Variants in WDR27 observed in about 807,000 individuals in gnomAD.
The protein encoded by WDR27 is WD repeat-containing protein 27.
In WDR27, 100 loss-of-function variants were observed where a neutral mutation model predicts 114.4. The observed-to-expected ratio is 0.87, with a 90% CI of 0.74 to 1.03. The LOEUF (loss-of-function observed/expected upper bound fraction) is 1.03, where lower values mean the gene tolerates loss of function less well. Among genes scored for constraint, WDR27 ranks in the 50% least tolerant of loss-of-function variants. The probability of loss-of-function intolerance (pLI) is 0.00; values close to 1 mark genes in which losing one functional copy is unlikely to be tolerated. For synonymous variants in WDR27, 449 were observed against 423.1 expected (o/e 1.06, Z -0.75); for missense variants, 1,129 against 1,092.9 (o/e 1.03, Z -0.47).
At chr6:169,577,998 C>T (rs1304728219) in intron 24 of WDR27, among the ~76,000 whole-genome samples, 1 of 152,110 alleles carries the variant, frequency 6.6e-6, no homozygotes, top group Non-Finnish European at 1.5e-5. Flanking sequence ...AAAATTCCAT[C>T]CGTCTCTCTC....
At chr6:169,616,324 C>T (rs1373564531) in intron 21 of WDR27, among the ~76,000 whole-genome samples, 5 of 152,086 alleles carry the variant, frequency 3.3e-5, no homozygotes, top group African/African-American at 9.7e-5. Context: ...CCTGTCTCTA[C>T]TAAAAATACA....
At chr6:169,654,011 G>A (rs1341204999) in intron 13 of WDR27, among the ~76,000 whole-genome samples, 1 of 152,152 alleles carries the variant, frequency 6.6e-6, no homozygotes, top group African/African-American at 2.4e-5. Context: ...AGAAAGCAAC[G>A]CAAATCTCCT....
intron 23 of WDR27, among the ~76,000 whole-genome samples, chr6:169,592,377 G>GA (rs561853124): frequency 6.6e-6 from 1 of 151,924 alleles, no homozygotes; most frequent in Admixed American, 6.5e-5. Flanking sequence ...ACTTCTGGGG[G>GA]AAAAAAATGT....
intron 22 of WDR27, among the ~76,000 whole-genome samples, chr6:169,608,142 A>G (rs1019037535): frequency 6.6e-6 from 1 of 152,238 alleles, no homozygotes; most frequent in Non-Finnish European, 1.5e-5. Flanking sequence ...TGAAATCTCC[A>G]TACTGTTTTC....
At chr6:169,649,067 TC>T in intron 15 of WDR27, 130 bp downstream of exon 15, 1 of 658,486 alleles carries the variant, frequency 1.5e-6, no homozygotes. Flanking sequence ...GATATACATA[TC>T]TGTGTACATA....
chr6:169,665,620 T>G, intron 6 of WDR27, 64 bp from the exon 7 acceptor site: 1 of 1,478,454 alleles, frequency 6.8e-7, no homozygotes, highest in Non-Finnish European at 9.3e-7. Context: ...ACCCGAGAAC[T>G]GTCAGTTTTA....
At chr6:169,575,551 C>A (rs1385829950) in intron 24 of WDR27, among the ~76,000 whole-genome samples, 1 of 152,172 alleles carries the variant, frequency 6.6e-6, no homozygotes, top group Non-Finnish European at 1.5e-5. Flanking sequence ...AGGCAGGCAG[C>A]CTGAGTTTCC....
At position 169,659,214 on chromosome 6, in the gene WDR27, G is replaced by A. The variant is rs1307308586; in HGVS notation, c.1198-7C>T. ...AGGCCAGCAAGCACAGCACCTGCAG[G>A]GACGCGGTTTCAACATCGTTAGCGA... is the stretch of plus-strand genomic sequence containing the variant. On this transcript the variant is annotated splice_region_variant and splice_polypyrimidine_tract_variant and intron_variant, in intron 11 of 25. Transcript: ENST00000448612. The surrounding 1 kb of genome is among the most constrained non-coding windows in gnomAD (Gnocchi z 4.3). The A allele has an allele frequency of 1.3e-6, 2 of 1,587,882 alleles. No homozygotes were observed. The highest frequency in any genetic ancestry group is 1.9e-5 in the Admixed American group (1 of 54,032).
chr6:169,662,450 A>AT (rs1371933367), intron 8 of WDR27, 26 bp from the exon 9 acceptor site: 1 of 1,610,890 alleles, frequency 6.2e-7, no homozygotes, highest in South Asian at 1.1e-5. Context: ...TTGAGAATCT[A>AT]AGAAGTGAAC....
At chr6:169,557,464 G>A (rs926818783) in intron 25 of WDR27, among the ~76,000 whole-genome samples, 3 of 152,186 alleles carry the variant, frequency 2.0e-5, no homozygotes, top group African/African-American at 7.2e-5. Flanking sequence ...GGGGCCTCTG[G>A]CTGTTCATTT....
chr6:169,623,596 A>G (rs924913587), intron 21 of WDR27, among the ~76,000 whole-genome samples: 2 of 152,208 alleles, frequency 1.3e-5, no homozygotes, highest in African/African-American at 4.8e-5. Context: ...AGAGACAGTG[A>G]GGGTCCAGCC....
intron 24 of WDR27, 75 bp downstream of exon 24, chr6:169,582,761 A>C (rs1047920656): frequency 8.5e-6 from 10 of 1,177,534 alleles, no homozygotes; most frequent in African/African-American, 1.5e-5. Flanking sequence ...ACCAAAATAA[A>C]GTCATAAAGA....
At chr6:169,485,474 C>A (rs1263917657) in intron 25 of WDR27, among the ~76,000 whole-genome samples, 1 of 152,148 alleles carries the variant, frequency 6.6e-6, no homozygotes, top group Non-Finnish European at 1.5e-5. Flanking sequence ...CCATCTCAAG[C>A]CAGTCAGAAT....
chr6:169,630,022 A>G (rs1335906849), intron 21 of WDR27, among the ~76,000 whole-genome samples: 1 of 152,136 alleles, frequency 6.6e-6, no homozygotes, highest in Non-Finnish European at 1.5e-5. Flanking sequence ...TTTTAAACTC[A>G]AGAATGACAA....
At chr6:169,664,030 T>G (rs1429531338) in intron 8 of WDR27, 136 bp downstream of exon 8, 8 of 827,264 alleles carry the variant, frequency 9.7e-6, no homozygotes, top group African/African-American at 1.8e-5. Flanking sequence ...CCTCAGTGGT[T>G]TTCTGAGGTT....
At position 169,685,642 on chromosome 6, in the gene WDR27, G is replaced by T. The variant is rs896338570; in HGVS notation, c.189+3175C>A. Among the ~76,000 whole-genome samples the T allele has an allele frequency of 3.3e-5, 5 of 152,114 alleles. No homozygotes were observed. In the South Asian group the frequency reaches 8.3e-4, roughly 25 times the overall value. ...TGAAGAAAGAATTTCTGAACTTGAA[G>T]ACAGGACTTTTGAAATAATACCAGC... On this transcript the variant is annotated intron_variant, in intron 2 of 25. Coordinates refer to ENST00000448612, the MANE Select transcript of WDR27 (RefSeq NM_182552.5).
chr6:169,686,630 ACAG>A (rs1783026528), intron 2 of WDR27, among the ~76,000 whole-genome samples: 1 of 152,168 alleles, frequency 6.6e-6, no homozygotes, highest in Non-Finnish European at 1.5e-5. Context: ...ATCAGATAAA[ACAG>A]ACATCAAGTT....
intron 25 of WDR27, among the ~76,000 whole-genome samples, chr6:169,521,403 C>T (rs1373957312): frequency 1.3e-5 from 2 of 152,112 alleles, no homozygotes; most frequent in Non-Finnish European, 2.9e-5. Context: ...GAAAGGTCTT[C>T]AATCTAAAGA....
intron 20 of WDR27, among the ~76,000 whole-genome samples, chr6:169,634,068 T>A: frequency 6.6e-6 from 1 of 152,214 alleles, no homozygotes; most frequent in Non-Finnish European, 1.5e-5. Context: ...CCATTTCATA[T>A]TATTTTGAAC....
Sources: allele counts gnomAD v4.1 joint callset (sites outside exome capture counted in the v4.1 genomes callset), GRCh38; gene constraint gnomAD v4.1.1; non-coding constraint Gnocchi (gnomAD v3.1); transcripts MANE v1.5; gene names NCBI Gene and HGNC (gene_info 2026-07-23, HGNC 2026-07-21).